The following LOXHD1 variants were observed in gnomAD, a reference collection of about 807,000 sequenced individuals.
LOXHD1 encodes the protein lipoxygenase homology domain-containing protein 1.
Under a neutral mutation model 248.2 loss-of-function variants are expected in LOXHD1, and 205 were observed. The observed-to-expected ratio is 0.83, with a 90% confidence interval of 0.74 to 0.93. The LOEUF (loss-of-function observed/expected upper bound fraction) is 0.93. Ranked by LOEUF, LOXHD1 falls within the 40% of genes least tolerant of loss-of-function variation. The probability of loss-of-function intolerance (pLI) is 0.00; values close to 1 mark genes in which losing one functional copy is unlikely to be tolerated. For missense variants in LOXHD1, 2,930 were observed against 2,971.6 expected, an observed-to-expected ratio of 0.99 and a Z score of 0.33; for synonymous variants, 1,113 against 1,162.8, an observed-to-expected ratio of 0.96 and a Z score of 0.87.
intron 9 of LOXHD1, among the ~76,000 whole-genome samples, chr18:46,594,127 G>A (rs2038220319): frequency 6.6e-6 from 1 of 152,098 alleles, no homozygotes; most frequent in African/African-American, 2.4e-5. Flanking sequence ...GTCAGCCTTG[G>A]TGCCAGGGGT....
chr18:46,566,914 A>C (rs1238701524), intron 16 of LOXHD1, among the ~76,000 whole-genome samples: 1 of 152,088 alleles, frequency 6.6e-6, no homozygotes, highest in Non-Finnish European at 1.5e-5. Flanking sequence ...AGGTGACAGA[A>C]TATCACCCAT....
intron 35 of LOXHD1, 112 bp downstream of exon 35, chr18:46,509,586 T>C (rs1394079700): frequency 1.3e-6 from 1 of 799,076 alleles, no homozygotes; most frequent in Non-Finnish European, 2.2e-6. Flanking sequence ...GTTCATGTAA[T>C]GATCCTCTAC....
At chr18:46,609,549 A>G (rs780768394) in intron 6 of LOXHD1, among the ~76,000 whole-genome samples, 8 of 152,264 alleles carry the variant, frequency 5.3e-5, no homozygotes, top group Non-Finnish European at 1.0e-4. Context: ...TATATAACAC[A>G]TTAACCTTTT....
At chr18:46,560,048 TCCC>T in intron 19 of LOXHD1, 32 bp downstream of exon 19, 2 of 1,226,298 alleles carry the variant, frequency 1.6e-6, no homozygotes, top group Non-Finnish European at 2.3e-6. Context: ...GTCTGGCCAC[TCCC>T]TCCCCACCCC....
At chr18:46,496,166 A>C (rs2033855180) in intron 37 of LOXHD1, among the ~76,000 whole-genome samples, 1 of 152,250 alleles carries the variant, frequency 6.6e-6, no homozygotes, top group South Asian at 2.1e-4. Flanking sequence ...GACAACTTTC[A>C]ATAGTTCAAA....
intron 32 of LOXHD1, 37 bp from the exon 33 acceptor site, chr18:46,521,319 C>T (rs1035229962): frequency 6.4e-7 from 1 of 1,550,442 alleles, no homozygotes; most frequent in Middle Eastern, 1.7e-4. Flanking sequence ...ACGATCTGGG[C>T]ACAACTGGGA....
chr18:46,537,758 T>C (rs2036376280), intron 26 of LOXHD1, among the ~76,000 whole-genome samples: 1 of 152,242 alleles, frequency 6.6e-6, no homozygotes, highest in Non-Finnish European at 1.5e-5. Context: ...CCCTAGCCCA[T>C]GACCACTGGT....
intron 37 of LOXHD1, among the ~76,000 whole-genome samples, chr18:46,502,791 G>C (rs572166313): frequency 1.3e-5 from 2 of 152,170 alleles, no homozygotes; most frequent in Non-Finnish European, 2.9e-5. Context: ...GAAAAGTTGG[G>C]TCATCATAGT....
chr18:46,576,373 A>AC (rs2037855225), intron 14 of LOXHD1, among the ~76,000 whole-genome samples: 1 of 151,550 alleles, frequency 6.6e-6, no homozygotes, highest in Non-Finnish European at 1.5e-5. Context: ...TTCACACTCC[A>AC]CCCTCTCCCA....
In LOXHD1 at chr18:46,541,872, A is replaced by G; in HGVS notation, c.3817T>C (p.Phe1273Leu). 1 of 1,551,682 alleles carries G rather than the reference A, an allele frequency of 6.4e-7. No individual in the cohort carries two copies. Among genetic ancestry groups the G allele is most frequent in the Admixed American group, 2.0e-5 (1 of 51,004 alleles). ...DAPSLGKCMT[F>L]PCGRWLAKNE... Reference sequence around the variant, plus strand: ...TTGGCCAGCCAGCGGCCACAGGGAAACGTCATGCACTTCCCAAGAGATGGG... The same window carrying G: ...TTGGCCAGCCAGCGGCCACAGGGAAGCGTCATGCACTTCCCAAGAGATGGG... The change falls in exon 25 of 41, where the codon TTT (phenylalanine) becomes CTT (leucine). Residue 1273 changes from phenylalanine to leucine, a missense_variant. By Grantham distance (22) the Phe-to-Leu change is conservative. Transcript: ENST00000642948.
intron 40 of LOXHD1, among the ~76,000 whole-genome samples, chr18:46,479,645 C>T (rs987495491): frequency 6.6e-6 from 1 of 151,936 alleles, no homozygotes; most frequent in East Asian, 1.9e-4. Flanking sequence ...TGCTAATATG[C>T]TAACACCTTT....
Position 46,546,919 on chromosome 18 carries a change from C to T in LOXHD1, c.3490G>A (p.Asp1164Asn), listed in dbSNP as rs889076191. The T allele has an allele frequency of 6.4e-6, 10 of 1,550,970 alleles. No individual in the cohort carries two copies. Among genetic ancestry groups the T allele is most frequent in the East Asian group, 4.9e-5 (2 of 40,922 alleles). The change falls in exon 22 of 41, where the codon GAC becomes AAC. Residue 1164 changes from aspartate (D) to asparagine (N), a missense_variant. Coordinates refer to ENST00000642948, the MANE Select transcript of LOXHD1 (RefSeq NM_001384474.1). ...CCTTTCTGCTCCAGGGCCAGGTTGT[C>T]GAGGGGGTTGTTGTCACCGCCTCCC... ...GRGGGDNNPL[D>N]NLALEQKDKS...
intron 20 of LOXHD1, 113 bp downstream of exon 20, chr18:46,559,335 A>G (rs971440221): frequency 1.6e-4 from 246 of 1,548,048 alleles, no homozygotes; most frequent in Non-Finnish European, 2.1e-4. Flanking sequence ...GGTGGGATGA[A>G]CAAGTCACAC....
chr18:46,560,048 T>TGCCGTG, intron 19 of LOXHD1, 35 bp downstream of exon 19: 1 of 1,226,296 alleles, frequency 8.2e-7, no homozygotes, highest in Non-Finnish European at 1.1e-6. Context: ...GTCTGGCCAC[T>TGCCGTG]CCCTCCCCAC....
intron 32 of LOXHD1, among the ~76,000 whole-genome samples, chr18:46,521,828 G>A (rs953216791): frequency 5.3e-5 from 8 of 152,184 alleles, no homozygotes; most frequent in Admixed American, 5.2e-4. Flanking sequence ...CATTTGTGTT[G>A]TTTTAAGGCA....
intron 32 of LOXHD1, 91 bp downstream of exon 32, chr18:46,522,010 C>A: frequency 6.0e-4 from 435 of 725,916 alleles, no homozygotes; most frequent in East Asian, 1.0e-3. Flanking sequence ...GGCTGTTCTT[C>A]CCACCCTGCA....
At chr18:46,488,661 T>C (rs1249872202) in intron 38 of LOXHD1, among the ~76,000 whole-genome samples, 4 of 152,154 alleles carry the variant, frequency 2.6e-5, no homozygotes, top group African/African-American at 9.7e-5. Flanking sequence ...TTGGATGATG[T>C]CCATGTTATA....
chr18:46,611,480 C>T (rs1476690183), intron 5 of LOXHD1, among the ~76,000 whole-genome samples: 2 of 152,174 alleles, frequency 1.3e-5, no homozygotes, highest in East Asian at 3.8e-4. Context: ...AAGTTAAACA[C>T]CTTGCCAAAA....
At chr18:46,564,688 C>A (rs2037602652) in intron 17 of LOXHD1, among the ~76,000 whole-genome samples, 1 of 151,988 alleles carries the variant, frequency 6.6e-6, no homozygotes, top group African/African-American at 2.4e-5. Context: ...TTATCTTTAT[C>A]TTTATCTTCT....
Sources: allele counts gnomAD v4.1 joint callset (sites outside exome capture counted in the v4.1 genomes callset), GRCh38; gene constraint gnomAD v4.1.1; transcripts MANE v1.5; gene names NCBI Gene and HGNC (gene_info 2026-07-23, HGNC 2026-07-21).